SYNE1: variants seen among roughly 807,000 people sequenced by gnomAD.
The protein encoded by SYNE1 is nesprin-1.
In SYNE1, 616 loss-of-function variants were observed where a neutral mutation model predicts 1,111.0. That is an observed-to-expected ratio of 0.55 (90% CI 0.52 to 0.59). The LOEUF (loss-of-function observed/expected upper bound fraction) is 0.59. Ranked by LOEUF, SYNE1 falls within the 20% of genes least tolerant of loss-of-function variation. The pLI, the probability that SYNE1 is intolerant of heterozygous loss-of-function variation, is 0.00. For missense variants in SYNE1, 10,006 were observed against 10,417.0 expected (o/e 0.96, Z 1.72); for synonymous variants, 3,855 against 3,825.8 (o/e 1.01, Z -0.28).
At chr6:152,164,734 G>A (rs1047899290) in intron 130 of SYNE1, among the ~76,000 whole-genome samples, 10 of 152,170 alleles carry the variant, frequency 6.6e-5, no homozygotes, top group African/African-American at 2.4e-4. Flanking sequence ...AAAGAGAAAG[G>A]TCATGGTGAT....
rs1420978258 is a variant in SYNE1 at position 152,184,637 on chromosome 6, TAGATAGATAG to T, written c.23302-4353_23302-4344del. Among the ~76,000 whole-genome samples the T allele has an allele frequency of 4.7e-3, 591 of 125,122 alleles. 4 individuals carry two copies. The highest frequency in any genetic ancestry group is 0.02 in the East Asian group (94 of 4,816). The allele number at this position is 125,122 out of a possible 152,430, so 82.1% of individuals were successfully genotyped here. A position where few individuals can be genotyped will look rare whatever the true frequency, so the allele number is the denominator to read the frequency against. On this transcript the variant is annotated intron_variant, in intron 128 of 145. Transcript: ENST00000367255. ...CAGCTGGATTATACACATATATAGA[TAGATAGATAG>T]ATAGATAGATAGATAGATAGATAGA...
At chr6:152,549,455 G>A (rs1190181755) in intron 3 of SYNE1, among the ~76,000 whole-genome samples, 1 of 152,120 alleles carries the variant, frequency 6.6e-6, no homozygotes, top group East Asian at 1.9e-4. Context: ...GTGGGGGGGC[G>A]GTGGGAGTGG....
intron 10 of SYNE1, 89 bp from the exon 11 acceptor site, chr6:152,498,881 G>C: frequency 1.4e-6 from 1 of 700,038 alleles, no homozygotes. Flanking sequence ...CAATGGAAAG[G>C]CATCCGCCTT....
intron 74 of SYNE1, among the ~76,000 whole-genome samples, chr6:152,340,913 G>T (rs2154005547): frequency 6.6e-6 from 1 of 152,280 alleles, no homozygotes; most frequent in South Asian, 2.1e-4. Flanking sequence ...GGCTGAGGTA[G>T]TAAGAAGTGG....
chr6:152,257,012 A>G (rs1489324374), intron 101 of SYNE1, among the ~76,000 whole-genome samples: 5 of 152,126 alleles, frequency 3.3e-5, no homozygotes, highest in Admixed American at 3.3e-4. Flanking sequence ...GATAGGAGGA[A>G]TAAGTTCTGG....
At chr6:152,473,102 C>G (rs1048365926) in intron 14 of SYNE1, among the ~76,000 whole-genome samples, 7 of 152,110 alleles carry the variant, frequency 4.6e-5, no homozygotes. Flanking sequence ...TGTTTTTCAT[C>G]ATTTACAAAC....
intron 130 of SYNE1, among the ~76,000 whole-genome samples, chr6:152,170,101 C>T (rs1167023625): frequency 6.6e-6 from 1 of 151,842 alleles, no homozygotes; most frequent in African/African-American, 2.4e-5. Context: ...TTTCTTTTAC[C>T]TTATTTAGTT....
chr6:152,283,833 C>T, intron 96 of SYNE1, 145 bp downstream of exon 96: 1 of 758,816 alleles, frequency 1.3e-6, no homozygotes, highest in Admixed American at 2.0e-5. Context: ...CCCCTCCCGG[C>T]CGTGGAGACC....
rs749318829 is a variant in SYNE1 at position 152,364,901 on chromosome 6, T to C, written c.10091A>G (p.Gln3364Arg). ...EGIPTIQQQLQSVKDMWASLL... is the reference protein window; with the variant it reads ...EGIPTIQQQLRSVKDMWASLL... ...GGATGCCCACATATCCTTCACACTC[T>C]GCAGCTGCTGCTGAATAGTGGGAAT... Residue 3364 changes from glutamine (Q) to arginine (R), a missense_variant, in exon 63 of 146, where the codon CAG (glutamine) becomes CGG (arginine). Coordinates refer to ENST00000367255, the MANE Select transcript of SYNE1 (RefSeq NM_182961.4). 3 of 1,614,258 alleles carry C rather than the reference T, an allele frequency of 1.9e-6. No individual in the cohort carries two copies. In the South Asian group the frequency reaches 3.3e-5, roughly 18 times the overall value.
chr6:152,499,361 TGA>T (rs1193618372), intron 10 of SYNE1, among the ~76,000 whole-genome samples: 3 of 152,056 alleles, frequency 2.0e-5, no homozygotes, highest in Non-Finnish European at 4.4e-5. Context: ...TTTTATTGGA[TGA>T]GATTAAAAAA....
intron 32 of SYNE1, 119 bp downstream of exon 32, chr6:152,441,011 A>T: frequency 2.4e-6 from 3 of 1,248,628 alleles, no homozygotes; most frequent in Non-Finnish European, 3.4e-6. Context: ...GGTCATCAAT[A>T]AATAGTAAGT....
At chr6:152,614,993 C>T (rs1369359924) in intron 3 of SYNE1, among the ~76,000 whole-genome samples, 6 of 151,930 alleles carry the variant, frequency 3.9e-5, no homozygotes, top group African/African-American at 1.5e-4. Context: ...TCTGTGGGGG[C>T]TGGAGGAGGG....
chr6:152,385,004 A>C (rs906071009), intron 55 of SYNE1, among the ~76,000 whole-genome samples: 3 of 152,168 alleles, frequency 2.0e-5, no homozygotes, highest in Admixed American at 2.0e-4. Context: ...TCCTGGCCAC[A>C]ATTACACTAT....
In SYNE1 at chr6:152,310,037, G is replaced by A. The variant is rs558291255; in HGVS notation, c.17020-20C>T. On this transcript the variant is annotated intron_variant, in intron 89 of 145. Transcript: ENST00000367255. ...CAAATGCTGAAAATGCAATTTCATAGTTCAAAAATTTAATATTTAAATCAT... is the reference window on the plus strand; with the variant it reads ...CAAATGCTGAAAATGCAATTTCATAATTCAAAAATTTAATATTTAAATCAT... 9.4e-5 allele frequency: 151 copies of A among 1,608,318 alleles called. 1 individual carries two copies. In the South Asian group the frequency reaches 1.6e-3, roughly 17 times the overall value.
intron 3 of SYNE1, among the ~76,000 whole-genome samples, chr6:152,576,912 A>G (rs2099498823): frequency 6.6e-6 from 1 of 152,220 alleles, no homozygotes; most frequent in South Asian, 2.1e-4. Context: ...ATATATGGAA[A>G]ATAGATTGGG....
chr6:152,357,804 A>G (rs918813483), intron 66 of SYNE1, among the ~76,000 whole-genome samples: 1 of 152,222 alleles, frequency 6.6e-6, no homozygotes, highest in African/African-American at 2.4e-5. Flanking sequence ...TGAGTAAATA[A>G]GTATATAGAT....
At chr6:152,607,069 C>T (rs1390868144) in intron 3 of SYNE1, among the ~76,000 whole-genome samples, 1 of 148,038 alleles carries the variant, frequency 6.8e-6, no homozygotes, top group African/African-American at 2.5e-5. Flanking sequence ...ACTGCAAGCT[C>T]CACCTCCCGG....
In SYNE1 at chr6:152,122,078, T is replaced by C. The variant is rs542844616; in HGVS notation, c.*358A>G. On this transcript the variant is annotated 3_prime_UTR_variant, in exon 146 of 146. Coordinates refer to ENST00000367255, the MANE Select transcript of SYNE1 (RefSeq NM_182961.4). ...TTATCTGATGGTTGGAGCAGCACCATGGGAAAGCTGCCCAGATGGTCTACT... is the reference window on the plus strand; with the variant it reads ...TTATCTGATGGTTGGAGCAGCACCACGGGAAAGCTGCCCAGATGGTCTACT... The C allele has an allele frequency of 2.0e-5, 7 of 352,404 alleles. No individual in the cohort carries two copies. Among genetic ancestry groups the C allele is most frequent in the Admixed American group, 8.1e-5 (2 of 24,616 alleles). 21.8% of individuals were successfully genotyped at this position (352,404 alleles called of 1,614,324 possible).
chr6:152,387,443 T>TCACAAAGTCGTGA, intron 53 of SYNE1, 62 bp from the exon 54 acceptor site: 1 of 1,553,708 alleles, frequency 6.4e-7, no homozygotes, highest in East Asian at 2.2e-5. Flanking sequence ...TGAAAACCAA[T>TCACAAAGTCGTGA]CACAAAGTCG....
Sources: gnomAD v4.1 joint callset for allele counts (sites outside exome capture counted in the v4.1 genomes callset) on GRCh38, gnomAD v4.1.1 for gene constraint, MANE v1.5 for transcripts, NCBI Gene and HGNC (gene_info 2026-07-23, HGNC 2026-07-21) for gene names.